The following MYO1D variants were observed in gnomAD, a reference collection of about 807,000 sequenced individuals.
MYO1D encodes myosin ID.
Under a neutral mutation model 122.0 loss-of-function variants are expected in MYO1D, and 83 were observed. That is an observed-to-expected ratio of 0.68 (90% CI 0.57 to 0.82). The LOEUF is 0.82. Among genes scored for constraint, MYO1D ranks in the 40% least tolerant of loss-of-function variants. The pLI is 0.00. For missense variants in MYO1D, 1,157 were observed against 1,269.5 expected (o/e 0.91, Z 1.35); for synonymous variants, 464 against 446.9 (o/e 1.04, Z -0.48).
intron 21 of MYO1D, among the ~76,000 whole-genome samples, chr17:32,573,541 G>A (rs2087250120): frequency 1.3e-5 from 2 of 151,684 alleles, no homozygotes; most frequent in Admixed American, 1.3e-4. Flanking sequence ...TTTTTTTGAG[G>A]GAAGGTTTTG....
At chr17:32,587,230 G>A (rs989981322) in intron 21 of MYO1D, among the ~76,000 whole-genome samples, 9 of 152,198 alleles carry the variant, frequency 5.9e-5, no homozygotes, top group African/African-American at 2.2e-4. Flanking sequence ...TAACTCGCCA[G>A]GCCAGGGGCT....
At chr17:32,818,125 C>CAAAAAAGAAAAAAAAAAAA (rs2090629050) in intron 1 of MYO1D, among the ~76,000 whole-genome samples, 1 of 46,018 alleles carries the variant, frequency 2.2e-5, no homozygotes, top group East Asian at 8.0e-4. Context: ...GACTCCGTCT[C>CAAAAAAGAAAAAAAAAAAA]AAAAAAAAAA....
intron 1 of MYO1D, among the ~76,000 whole-genome samples, chr17:32,806,075 G>A (rs968563214): frequency 3.3e-5 from 5 of 152,104 alleles, no homozygotes; most frequent in Admixed American, 2.0e-4. Flanking sequence ...TGGCTAGCAC[G>A]GTGAAACCCT....
At chr17:32,522,755 C>T (rs1310990978) in intron 21 of MYO1D, among the ~76,000 whole-genome samples, 1 of 151,862 alleles carries the variant, frequency 6.6e-6, no homozygotes, top group Non-Finnish European at 1.5e-5. Flanking sequence ...CCAGTGCTGC[C>T]TGTGGACTCC....
chr17:32,740,322 T>A (rs191234459), intron 13 of MYO1D, among the ~76,000 whole-genome samples: 1 of 152,350 alleles, frequency 6.6e-6, no homozygotes, highest in East Asian at 1.9e-4. Context: ...TACTCACTGT[T>A]GGCCATATTT....
intron 14 of MYO1D, among the ~76,000 whole-genome samples, chr17:32,724,698 C>T (rs761297285): frequency 9.9e-5 from 15 of 152,112 alleles, no homozygotes; most frequent in Non-Finnish European, 2.2e-4. Flanking sequence ...ACCCCTCTCA[C>T]TTTGGGTTAG....
intron 14 of MYO1D, among the ~76,000 whole-genome samples, chr17:32,737,362 CTT>C (rs59432486): frequency 8.4e-5 from 12 of 142,106 alleles, no homozygotes; most frequent in Non-Finnish European, 1.4e-4. Context: ...AATAATACAA[CTT>C]TTTTTTTTTT....
intron 16 of MYO1D, among the ~76,000 whole-genome samples, chr17:32,701,299 C>A (rs887321962): frequency 1.3e-5 from 2 of 152,066 alleles, no homozygotes; most frequent in African/African-American, 4.8e-5. Flanking sequence ...ACAAATACCC[C>A]CTTCCAGATG....
intron 21 of MYO1D, among the ~76,000 whole-genome samples, chr17:32,588,246 T>A (rs1193808169): frequency 6.6e-6 from 1 of 152,208 alleles, no homozygotes; most frequent in Non-Finnish European, 1.5e-5. Flanking sequence ...TGACCTGAAA[T>A]GTAGGTTGCT....
At chr17:32,703,540 T>C (rs930576542) in intron 16 of MYO1D, among the ~76,000 whole-genome samples, 11 of 151,940 alleles carry the variant, frequency 7.2e-5, no homozygotes, top group Admixed American at 7.2e-4. Flanking sequence ...CTTAGCCTCC[T>C]GGGTAGGTGA....
intron 1 of MYO1D, 30 bp from the exon 2 acceptor site, chr17:32,780,814 T>G: frequency 6.2e-7 from 1 of 1,600,768 alleles, no homozygotes; most frequent in Non-Finnish European, 8.6e-7. Context: ...AAGGAAGACG[T>G]AGCTGTGGTT....
intron 1 of MYO1D, among the ~76,000 whole-genome samples, chr17:32,824,510 G>A (rs2090704324): frequency 6.6e-6 from 1 of 152,168 alleles, no homozygotes; most frequent in African/African-American, 2.4e-5. Flanking sequence ...TTCTGTGCCA[G>A]GCACGTCCCC....
intron 21 of MYO1D, among the ~76,000 whole-genome samples, chr17:32,517,229 T>C (rs1458982426): frequency 6.6e-6 from 1 of 152,236 alleles, no homozygotes; most frequent in East Asian, 1.9e-4. Flanking sequence ...AAATGGTTTG[T>C]GCCCTGATTA....
At chr17:32,812,952 T>C (rs1006690859) in intron 1 of MYO1D, among the ~76,000 whole-genome samples, 7 of 152,210 alleles carry the variant, frequency 4.6e-5, no homozygotes, top group African/African-American at 1.4e-4. Context: ...ATGAACAATT[T>C]TGCCAAGCAA....
intron 19 of MYO1D, among the ~76,000 whole-genome samples, chr17:32,648,084 T>C (rs1226534098): frequency 2.6e-5 from 4 of 152,066 alleles, no homozygotes; most frequent in Non-Finnish European, 5.9e-5. Flanking sequence ...CGTGGTGATG[T>C]GCACCTGTAA....
intron 21 of MYO1D, among the ~76,000 whole-genome samples, chr17:32,566,020 C>T (rs529219495): frequency 6.6e-5 from 10 of 152,236 alleles, no homozygotes; most frequent in Admixed American, 2.0e-4. Context: ...CCACCGCACC[C>T]GGCCTTCAGA....
chr17:32,854,918 T>C (rs976456026), intron 1 of MYO1D, among the ~76,000 whole-genome samples: 1 of 152,162 alleles, frequency 6.6e-6, no homozygotes, highest in African/African-American at 2.4e-5. Context: ...TGCCAACATA[T>C]GATATACAAA....
At chr17:32,722,455 T>G (rs2089523458) in intron 14 of MYO1D, among the ~76,000 whole-genome samples, 1 of 152,236 alleles carries the variant, frequency 6.6e-6, no homozygotes. Context: ...GCTGCCCACA[T>G]TCCTTGGCTG....
chr17:32,626,753 T>C (rs1295950401), intron 20 of MYO1D, among the ~76,000 whole-genome samples: 1 of 152,164 alleles, frequency 6.6e-6, no homozygotes, highest in African/African-American at 2.4e-5. Context: ...AGGAAAACCA[T>C]CAACGGGGGA....
Sources: gnomAD v4.1 joint callset for allele counts (sites outside exome capture counted in the v4.1 genomes callset) on GRCh38, gnomAD v4.1.1 for gene constraint, MANE v1.5 for transcripts, NCBI Gene and HGNC (gene_info 2026-07-23, HGNC 2026-07-21) for gene names.